Variants in BIN1 observed in about 807,000 individuals in gnomAD.
BIN1 encodes the protein bridging integrator 1.
BIN1 carries 53 observed loss-of-function variants against 82.0 expected under a neutral mutation model. That is an observed-to-expected ratio of 0.65 (90% CI 0.52 to 0.81). The LOEUF is 0.81. BIN1 is among the 40% of genes least tolerant of loss of function. BIN1 has a pLI of 0.00. For missense variants in BIN1, 642 were observed against 784.4 expected (o/e 0.82, Z 2.17); for synonymous variants, 302 against 328.0 (o/e 0.92, Z 0.86).
At chr2:127,078,068 T>C (rs541727930) in intron 1 of BIN1, among the ~76,000 whole-genome samples, 2 of 152,304 alleles carry the variant, frequency 1.3e-5, no homozygotes, top group African/African-American at 4.8e-5. Context: ...AACATCAGCT[T>C]TGGGGCCCAG....
At position 127,057,532 on chromosome 2, in the gene BIN1, T is replaced by C. The variant is rs1355424178; in HGVS notation, c.1072A>G (p.Ile358Val). The C allele has an allele frequency of 6.5e-7, 1 of 1,545,954 alleles. No individual in the cohort carries two copies. The highest frequency in any genetic ancestry group is 2.0e-5 in the Admixed American group (1 of 50,784). The change falls in exon 12 of 19, where the codon ATC becomes GTC. Residue 358 changes from isoleucine (I) to valine (V), a missense_variant. Coordinates refer to ENST00000316724, the MANE Select transcript of BIN1 (RefSeq NM_139343.3). This position sits in a 1 kb window ranked among gnomAD's most constrained non-coding sequence, Gnocchi z 5.0. Reference sequence around the variant, plus strand: ...AACGTGTCCTCAAACAGGCTGAGGATCTGCTCCTGCTTGACTTCCTTGGAC... The same window carrying C: ...AACGTGTCCTCAAACAGGCTGAGGACCTGCTCCTGCTTGACTTCCTTGGAC... ...TPSKEVKQEQ[I>V]LSLFEDTFVP...
chr2:127,068,089 T>C lies in BIN1; in HGVS notation c.612+74A>G. Reference sequence around the variant, plus strand: ...CTGGGCTCAGATGCCAGCCCTGCATTCCACCGCAGGGCGAGAGGACAGGAC... The same window carrying C: ...CTGGGCTCAGATGCCAGCCCTGCATCCCACCGCAGGGCGAGAGGACAGGAC... On this transcript the variant is annotated intron_variant, in intron 7 of 18. Coordinates refer to ENST00000316724, the MANE Select transcript of BIN1 (RefSeq NM_139343.3). The surrounding 1 kb of genome is among the most constrained non-coding windows in gnomAD (Gnocchi z 4.9). 6.8e-7 allele frequency: 1 copy of C among 1,473,342 alleles called. No homozygotes were observed. The highest frequency in any genetic ancestry group is 9.3e-7 in the Non-Finnish European group (1 of 1,070,316). 91.3% of individuals were successfully genotyped at this position (1,473,342 alleles called of 1,614,324 possible).
intron 1 of BIN1, among the ~76,000 whole-genome samples, chr2:127,087,544 GCAGCAGGGGC>G (rs1678340503): frequency 6.6e-6 from 1 of 152,238 alleles, no homozygotes; most frequent in Non-Finnish European, 1.5e-5. Context: ...GTGAGTGGAG[GCAGCAGGGGC>G]CAGAGTCAGG....
intron 1 of BIN1, among the ~76,000 whole-genome samples, chr2:127,101,092 G>A (rs1680293125): frequency 1.3e-5 from 2 of 151,222 alleles, no homozygotes; most frequent in African/African-American, 2.4e-5. Flanking sequence ...AGTGGCCCTG[G>A]GCAGCAGAGG....
At chr2:127,083,078 C>CTTTTTTTTTT in intron 1 of BIN1, among the ~76,000 whole-genome samples, 1 of 142,886 alleles carries the variant, frequency 7.0e-6, no homozygotes, top group East Asian at 2.0e-4. Context: ...TTGCTTTTTT[C>CTTTTTTTTTT]TTTTTTTTTT....
chr2:127,071,372 C>G (rs983926461), intron 2 of BIN1, among the ~76,000 whole-genome samples: 1 of 152,188 alleles, frequency 6.6e-6, no homozygotes, highest in African/African-American at 2.4e-5. Flanking sequence ...GACGGCACTA[C>G]AGCAGGGGTG....
Position 127,106,923 on chromosome 2 carries a change from T to A in BIN1, c.21A>T (p.Lys7Asn). The stretch of plus-strand genomic sequence containing the variant: ...TGGCGATCTTTCCCGCCGTCACCCC[T>A]TTACTGCCCATCTCTGCCATCGCGG... MAEMGS[K>N]GVTAGKIASN... The change falls in exon 1 of 19, where the codon AAA (lysine) becomes AAT (asparagine). Residue 7 changes from lysine to asparagine, a missense_variant. By Grantham distance (94) the Lys-to-Asn change is moderately conservative. Coordinates refer to ENST00000316724, the MANE Select transcript of BIN1 (RefSeq NM_139343.3). 6.2e-7 allele frequency: 1 copy of A among 1,612,476 alleles called. No individual in the cohort carries two copies. The highest frequency in any genetic ancestry group is 8.5e-7 in the Non-Finnish European group (1 of 1,179,534).
intron 1 of BIN1, among the ~76,000 whole-genome samples, chr2:127,078,035 C>T (rs951779796): frequency 6.6e-6 from 1 of 152,206 alleles, no homozygotes; most frequent in Admixed American, 6.5e-5. Flanking sequence ...TTCCAAGACC[C>T]GGAGCCAGCC....
intron 11 of BIN1, 119 bp downstream of exon 11, chr2:127,058,892 C>T (rs1406915760): frequency 3.5e-6 from 5 of 1,434,296 alleles, no homozygotes; most frequent in Non-Finnish European, 4.7e-6. Flanking sequence ...GGCAAAGCAT[C>T]GGGTCCATAG....
intron 1 of BIN1, among the ~76,000 whole-genome samples, chr2:127,078,918 A>G (rs562224797): frequency 7.3e-5 from 11 of 151,576 alleles, no homozygotes; most frequent in African/African-American, 2.4e-4. Flanking sequence ...CCAGAAGTCT[A>G]CCAGAGCCAC....
intron 1 of BIN1, among the ~76,000 whole-genome samples, chr2:127,094,934 C>T (rs1679402404): frequency 6.6e-6 from 1 of 152,164 alleles, no homozygotes; most frequent in Admixed American, 6.5e-5. Context: ...ACCATGGGGC[C>T]TCCTCCAGGC....
chr2:127,107,010 C>T lies in BIN1; in HGVS notation c.-67G>A. 2.8e-6 allele frequency: 4 copies of T among 1,444,080 alleles called. No homozygotes were observed. Among genetic ancestry groups the T allele is most frequent in the Non-Finnish European group, 3.6e-6 (4 of 1,097,576 alleles). The allele number at this position is 1,444,080 out of a possible 1,614,324, so 89.5% of individuals were successfully genotyped here. On this transcript the variant is annotated 5_prime_UTR_variant, in exon 1 of 19. Coordinates refer to ENST00000316724, the MANE Select transcript of BIN1 (RefSeq NM_139343.3). The surrounding 1 kb of genome is among the most constrained non-coding windows in gnomAD (Gnocchi z 5.9). ...CGGGGAGATCTTGCGCGCCGCGCTC[C>T]CAGCCCCCAGCCCCGGCCGCGCGTC...
At chr2:127,055,645 G>C in intron 12 of BIN1, 1 of 151,674 alleles carries the variant, frequency 6.6e-6, no homozygotes, top group East Asian at 1.9e-4. Context: ...TCCTGTCTCA[G>C]AAAAGTCAGC....
chr2:127,077,316 CCACA>C lies in BIN1; in HGVS notation c.85-614_85-611del, dbSNP rs10573582. Reference sequence around the variant, plus strand: ...CCCCAGGCACTCTGCTCTGCACAGCCCACACACACACACACACACACAAAACACA... The same window carrying C: ...CCCCAGGCACTCTGCTCTGCACAGCCCACACACACACACACACAAAACACA... On this transcript the variant is annotated intron_variant, in intron 1 of 18. Transcript: ENST00000316724. Among the ~76,000 whole-genome samples the C allele has an allele frequency of 4.5e-3, 677 of 150,374 alleles. 7 individuals carry two copies. Among genetic ancestry groups the C allele is most frequent in the African/African-American group, 0.015 (631 of 41,060 alleles).
intron 1 of BIN1, among the ~76,000 whole-genome samples, chr2:127,077,898 C>T (rs991590456): frequency 6.6e-6 from 1 of 152,082 alleles, no homozygotes; most frequent in African/African-American, 2.4e-5. Flanking sequence ...GAGAAGGAAA[C>T]GGGGGTAGGG....
intron 7 of BIN1, among the ~76,000 whole-genome samples, chr2:127,065,429 C>T (rs996318114): frequency 3.9e-5 from 6 of 152,166 alleles, no homozygotes; most frequent in Admixed American, 6.5e-5. Flanking sequence ...CTGGGCCATC[C>T]CTGCCCTACT....
At chr2:127,077,242 GC>G in intron 1 of BIN1, among the ~76,000 whole-genome samples, 1 of 152,128 alleles carries the variant, frequency 6.6e-6, no homozygotes, top group Non-Finnish European at 1.5e-5. Flanking sequence ...GCTGCCGGGG[GC>G]CACGCAGAGT....
At chr2:127,055,060 G>A (rs1683465064) in intron 12 of BIN1, 1 of 152,276 alleles carries the variant, frequency 6.6e-6, no homozygotes, top group South Asian at 2.1e-4. Flanking sequence ...CGTGGCCGGG[G>A]TGCTCCCCTC....
chr2:127,057,747 A>C lies in BIN1; in HGVS notation c.1003-146T>G. The C allele has an allele frequency of 9.5e-7, 1 of 1,056,024 alleles. No individual in the cohort carries two copies. The highest frequency in any genetic ancestry group is 2.5e-5 in the South Asian group (1 of 40,308). 65.4% of individuals were successfully genotyped at this position (1,056,024 alleles called of 1,614,324 possible). ...CCACTGAGCAGGACGCAGCAAATGA[A>C]GAGTCACTGCCCTCCCAGCCCCCCA... is the stretch of plus-strand genomic sequence containing the variant. On this transcript the variant is annotated intron_variant, in intron 11 of 18. Transcript: ENST00000316724. This position sits in a 1 kb window ranked among gnomAD's most constrained non-coding sequence, Gnocchi z 5.0.
Sources: gnomAD v4.1 joint callset for allele counts (sites outside exome capture counted in the v4.1 genomes callset) on GRCh38, gnomAD v4.1.1 for gene constraint, Gnocchi (gnomAD v3.1) non-coding constraint, MANE v1.5 for transcripts, NCBI Gene and HGNC (gene_info 2026-07-23, HGNC 2026-07-21) for gene names.